The following ZNHIT1 variants were observed in gnomAD, a reference collection of about 807,000 sequenced individuals.
The protein encoded by ZNHIT1 is zinc finger HIT domain-containing protein 1.
A neutral mutation model predicts 21.4 loss-of-function variants in ZNHIT1; 20 were observed. The observed-to-expected ratio is 0.93, with a 90% CI of 0.66 to 1.36. The LOEUF is 1.36. Ranked by LOEUF, ZNHIT1 falls within the 40% of genes most tolerant of loss-of-function variation. The probability of loss-of-function intolerance (pLI) is 0.00; values close to 1 mark genes in which losing one functional copy is unlikely to be tolerated. For missense variants in ZNHIT1, 170 were observed against 213.5 expected, an observed-to-expected ratio of 0.80 and a Z score of 1.27; for synonymous variants, 79 against 84.0, an observed-to-expected ratio of 0.94 and a Z score of 0.32.
rs769442040 is a variant in ZNHIT1, at chr7:101,223,834, G to A, written c.435G>A (p.Gln145=). 6.2e-7 allele frequency: 1 copy of A among 1,614,130 alleles called. No individual in the cohort carries two copies. The highest frequency in any genetic ancestry group is 8.5e-7 in the Non-Finnish European group (1 of 1,179,996). ...YCTVRCLGTH[Q]ETRCLKWTV is the part of the protein sequence containing the mutation. Reference sequence around the variant, plus strand: ...CTGTGCGCTGTCTGGGGACCCACCAGGAGACCAGGTGAGCATGAGACCTGC... The same window carrying A: ...CTGTGCGCTGTCTGGGGACCCACCAAGAGACCAGGTGAGCATGAGACCTGC... Residue 145 remains glutamine, a synonymous_variant, in exon 4 of 5, where the codon CAG becomes CAA. Coordinates refer to ENST00000305105, the MANE Select transcript of ZNHIT1 (RefSeq NM_006349.3).
intron 1 of ZNHIT1, chr7:101,218,557 T>A: frequency 3.2e-6 from 1 of 317,360 alleles, no homozygotes; most frequent in Non-Finnish European, 5.8e-6. Flanking sequence ...ATTACAGGCG[T>A]GAGCTGCCGC....
In ZNHIT1 at chr7:101,218,174, T is replaced by A; in HGVS notation, c.-22T>A. ...GTTAGTACGCGTGCGCAGCAGTTTCTTCCGACAGTTGTGTTGTGCCAATGG... is the reference window on the plus strand; with the variant it reads ...GTTAGTACGCGTGCGCAGCAGTTTCATCCGACAGTTGTGTTGTGCCAATGG... On this transcript the variant is annotated 5_prime_UTR_variant, in exon 1 of 5. Transcript: ENST00000305105. 6.2e-7 allele frequency: 1 copy of A among 1,612,354 alleles called. No individual in the cohort carries two copies. Among genetic ancestry groups the A allele is most frequent in the Non-Finnish European group, 8.5e-7 (1 of 1,178,924 alleles).
At position 101,224,123 on chromosome 7, in the gene ZNHIT1, C is replaced by G; in HGVS notation, c.*165C>G. 1 of 1,068,478 alleles carries G rather than the reference C, an allele frequency of 9.4e-7. No individual in the cohort carries two copies. Among genetic ancestry groups the G allele is most frequent in the Non-Finnish European group, 1.4e-6 (1 of 736,820 alleles). The allele number at this position is 1,068,478 out of a possible 1,614,324, so 66.2% of individuals were successfully genotyped here. ...TCTGCCAGGAAAGACCAGCCTCACT[C>G]CTGGGAACTGTCTGGCAGGTAGGCT... is the stretch of plus-strand genomic sequence containing the variant. On this transcript the variant is annotated 3_prime_UTR_variant, in exon 5 of 5. Transcript: ENST00000305105.
At position 101,222,787 on chromosome 7, in the gene ZNHIT1, G is replaced by C. The variant is rs1798393527; in HGVS notation, c.193+13G>C. On this transcript the variant is annotated intron_variant, in intron 2 of 4. Coordinates refer to ENST00000305105, the MANE Select transcript of ZNHIT1 (RefSeq NM_006349.3). ...GATGCGGACACTGGTGAGGCGGATG[G>C]AGGAGGAAGCGGGGGATGGGACTGA... is the stretch of plus-strand genomic sequence containing the variant. The C allele has an allele frequency of 6.2e-7, 1 of 1,611,686 alleles. No homozygotes were observed. The highest frequency in any genetic ancestry group is 8.5e-7 in the Non-Finnish European group (1 of 1,178,160).
intron 1 of ZNHIT1, 84 bp from the exon 2 acceptor site, chr7:101,222,520 G>A (rs572944683): frequency 7.3e-5 from 108 of 1,481,158 alleles, no homozygotes; most frequent in Middle Eastern, 2.5e-4. Context: ...TCCACCCCGG[G>A]TGCCTTCCTC....
chr7:101,223,453 C>T, intron 2 of ZNHIT1, 24 bp from the exon 3 acceptor site: 1 of 1,613,358 alleles, frequency 6.2e-7, no homozygotes, highest in South Asian at 1.1e-5. Context: ...AAGTGCCAAG[C>T]AACGGATCAC....
rs1267826679 is a variant in ZNHIT1, at chr7:101,224,077, AC to A, written c.*122del. The stretch of plus-strand genomic sequence containing the variant: ...GGACCAAGGGAGGAGCCGCTCATTC[AC>A]CCAACAAAACTGTGTCTTATCTGCC... On this transcript the variant is annotated 3_prime_UTR_variant, in exon 5 of 5. Transcript: ENST00000305105. 4.1e-6 allele frequency: 6 copies of A among 1,469,580 alleles called. No homozygotes were observed. The East Asian group carries it at 1.4e-4, about 33-fold the overall frequency. The allele number at this position is 1,469,580 out of a possible 1,614,324, so 91.0% of individuals were successfully genotyped here. A position where few individuals can be genotyped will look rare whatever the true frequency, so the allele number is the denominator to read the frequency against.
intron 1 of ZNHIT1, chr7:101,218,573 GC>G: frequency 3.5e-6 from 1 of 285,286 alleles, no homozygotes; most frequent in Non-Finnish European, 6.6e-6. Flanking sequence ...GCCGCGCCCG[GC>G]CCCAGCTATT....
chr7:101,222,368 A>G, intron 1 of ZNHIT1: 1 of 505,342 alleles, frequency 2.0e-6, no homozygotes, highest in Non-Finnish European at 3.5e-6. Flanking sequence ...ACTGGGATTG[A>G]GAGGAAGGCG....
At chr7:101,222,292 C>A in intron 1 of ZNHIT1, 3 of 353,472 alleles carry the variant, frequency 8.5e-6, no homozygotes, top group Non-Finnish European at 1.5e-5. Flanking sequence ...AGCCTGGAAG[C>A]CCCAGGGCGC....
At position 101,223,735 on chromosome 7, in the gene ZNHIT1, C is replaced by T. The variant is rs1405235143; in HGVS notation, c.336C>T (p.Pro112=). The T allele has an allele frequency of 3.1e-6, 5 of 1,613,828 alleles. No individual in the cohort carries two copies. The African/African-American group carries it at 5.3e-5, about 17-fold the overall frequency. The change falls in exon 4 of 5, where the codon CCC becomes CCT. Residue 112 remains proline (P), a synonymous_variant. Coordinates refer to ENST00000305105, the MANE Select transcript of ZNHIT1 (RefSeq NM_006349.3). ...LTACAGPPSR[P]QRPFCAVCGF... The stretch of plus-strand genomic sequence containing the variant: ...CCTGTGCGGGACCCCCATCGCGGCC[C>T]CAGCGCCCCTTCTGTGCTGTCTGTG...
At position 101,224,039 on chromosome 7, in the gene ZNHIT1, G is replaced by A. The variant is rs1162966215; in HGVS notation, c.*81G>A. 3 of 1,602,586 alleles carry A rather than the reference G, an allele frequency of 1.9e-6. No homozygotes were observed. Among genetic ancestry groups the A allele is most frequent in the African/African-American group, 1.3e-5 (1 of 74,878 alleles). On this transcript the variant is annotated 3_prime_UTR_variant, in exon 5 of 5. Coordinates refer to ENST00000305105, the MANE Select transcript of ZNHIT1 (RefSeq NM_006349.3). ...ACAGAATTTCATCACCCAATGCAGGGGGAGCTCTTCCTGGACCAAGGGAGG... is the reference window on the plus strand; with the variant it reads ...ACAGAATTTCATCACCCAATGCAGGAGGAGCTCTTCCTGGACCAAGGGAGG...
chr7:101,219,139 C>T (rs1233017314), intron 1 of ZNHIT1: 4 of 152,224 alleles, frequency 2.6e-5, no homozygotes, highest in Middle Eastern at 3.4e-3. Flanking sequence ...GAGTCTTGCT[C>T]TGTCACCCAG....
chr7:101,223,840 C>G lies in ZNHIT1; in HGVS notation c.441C>G (p.Thr147=), dbSNP rs772582558. The G allele has an allele frequency of 1.9e-6, 3 of 1,614,096 alleles. No individual in the cohort carries two copies. In the South Asian group the frequency reaches 3.3e-5, roughly 18 times the overall value. The change falls in exon 4 of 5, where the codon ACC becomes ACG. Residue 147 remains threonine (T), a splice_region_variant and synonymous_variant. Coordinates refer to ENST00000305105, the MANE Select transcript of ZNHIT1 (RefSeq NM_006349.3). The part of the protein sequence containing the change: ...TVRCLGTHQE[T]RCLKWTV ...GCTGTCTGGGGACCCACCAGGAGAC[C>G]AGGTGAGCATGAGACCTGCTGTCCA...
At position 101,222,764 on chromosome 7, in the gene ZNHIT1, T is replaced by C. The variant is rs1798391875; in HGVS notation, c.183T>C (p.Asp61=). 1 of 1,613,694 alleles carries C rather than the reference T, an allele frequency of 6.2e-7. No individual in the cohort carries two copies. The part of the protein sequence containing the change: ...LGKRLPQFDD[D]ADTGKKKKKT... Reference sequence around the variant, plus strand: ...AGAGACTGCCTCAGTTTGATGACGATGCGGACACTGGTGAGGCGGATGGAG... The same window carrying C: ...AGAGACTGCCTCAGTTTGATGACGACGCGGACACTGGTGAGGCGGATGGAG... The change falls in exon 2 of 5, where the codon GAT becomes GAC. Residue 61 remains aspartate (D), a synonymous_variant. Transcript: ENST00000305105.
chr7:101,221,740 G>A (rs1584260197), intron 1 of ZNHIT1: 1 of 152,916 alleles, frequency 6.5e-6, no homozygotes, highest in East Asian at 1.9e-4. Flanking sequence ...TGGACATGGA[G>A]AAGGCCTGCA....
Position 101,223,992 on chromosome 7 carries a change from G to A in ZNHIT1, c.*34G>A, listed in dbSNP as rs1267706758. ...ATTCCCAGAGAGGAAGGGCCGCTGTGCACTGCCCGGCCTTCAGAAAGACAG... is the reference window on the plus strand; with the variant it reads ...ATTCCCAGAGAGGAAGGGCCGCTGTACACTGCCCGGCCTTCAGAAAGACAG... On this transcript the variant is annotated 3_prime_UTR_variant, in exon 5 of 5. Coordinates refer to ENST00000305105, the MANE Select transcript of ZNHIT1 (RefSeq NM_006349.3). 1 of 1,614,016 alleles carries A rather than the reference G, an allele frequency of 6.2e-7. No homozygotes were observed. Among genetic ancestry groups the A allele is most frequent in the African/African-American group, 1.3e-5 (1 of 74,934 alleles).
At chr7:101,221,039 A>G (rs1437095928) in intron 1 of ZNHIT1, 1 of 152,204 alleles carries the variant, frequency 6.6e-6, no homozygotes, top group East Asian at 1.9e-4. Flanking sequence ...GGGGTGAGCC[A>G]CTATGTCCAG....
intron 1 of ZNHIT1, chr7:101,219,050 G>A (rs74199055): frequency 0.041 from 6,213 of 152,234 alleles, 174 homozygotes; most frequent in East Asian, 0.085. Context: ...ATTTTGAAAG[G>A]CATTATACAC....
Sources: gnomAD v4.1 joint callset for allele counts on GRCh38, gnomAD v4.1.1 for gene constraint, MANE v1.5 for transcripts, NCBI Gene and HGNC (gene_info 2026-07-23, HGNC 2026-07-21) for gene names.